ARHGAP32: variants seen among roughly 807,000 people sequenced by gnomAD.
ARHGAP32 encodes Rho GTPase activating protein 32.
A neutral mutation model predicts 186.5 loss-of-function variants in ARHGAP32; 51 were observed. That is an observed-to-expected ratio of 0.27 (90% CI 0.22 to 0.35). The LOEUF (loss-of-function observed/expected upper bound fraction) is 0.35, where lower values mean the gene tolerates loss of function less well. Among genes scored for constraint, ARHGAP32 ranks in the 10% least tolerant of loss-of-function variants. The pLI, the probability that ARHGAP32 is intolerant of heterozygous loss-of-function variation, is 1.00. For missense variants in ARHGAP32, 2,186 were observed against 2,623.5 expected, an observed-to-expected ratio of 0.83 and a Z score of 3.64; for synonymous variants, 950 against 964.3, an observed-to-expected ratio of 0.99 and a Z score of 0.27.
chr11:129,093,034 T>C (rs1941622816), intron 6 of ARHGAP32, among the ~76,000 whole-genome samples: 1 of 152,000 alleles, frequency 6.6e-6, no homozygotes, highest in Non-Finnish European at 1.5e-5. Context: ...GGTCATTACC[T>C]TCAAAACAGT....
At chr11:129,261,688 CTT>C (rs1181816751) in intron 1 of ARHGAP32, among the ~76,000 whole-genome samples, 3 of 152,144 alleles carry the variant, frequency 2.0e-5, no homozygotes, top group Non-Finnish European at 4.4e-5. Context: ...AGGAAATACT[CTT>C]AAGTAAATAA....
intron 6 of ARHGAP32, among the ~76,000 whole-genome samples, chr11:129,072,615 C>T (rs1940904955): frequency 1.3e-5 from 2 of 152,196 alleles, no homozygotes; most frequent in Non-Finnish European, 2.9e-5. Context: ...CAGAAATCCA[C>T]ACGCAGAAAC....
intron 22 of ARHGAP32, 196 bp downstream of exon 22, chr11:128,972,257 C>A: frequency 2.2e-6 from 1 of 459,682 alleles, no homozygotes. Context: ...CTAGGAGCTA[C>A]TCCTTTCCTG....
At chr11:129,105,601 C>T (rs1458979898) in intron 5 of ARHGAP32, among the ~76,000 whole-genome samples, 3 of 151,844 alleles carry the variant, frequency 2.0e-5, no homozygotes, top group Non-Finnish European at 4.4e-5. Flanking sequence ...TTCACTAAAA[C>T]AGTTTGGAAA....
chr11:129,033,841 T>G (rs1034945263), intron 11 of ARHGAP32, among the ~76,000 whole-genome samples: 3 of 152,204 alleles, frequency 2.0e-5, no homozygotes, highest in Admixed American at 6.5e-5. Flanking sequence ...ACTGTTCTTT[T>G]GAAACTGCCC....
intron 1 of ARHGAP32, among the ~76,000 whole-genome samples, chr11:129,183,307 T>C (rs1944093731): frequency 6.6e-6 from 1 of 152,134 alleles, no homozygotes; most frequent in African/African-American, 2.4e-5. Flanking sequence ...TTCTTTTTCC[T>C]ACAAAGTTTC....
chr11:129,085,280 C>T (rs947599860), intron 6 of ARHGAP32, among the ~76,000 whole-genome samples: 2 of 152,148 alleles, frequency 1.3e-5, no homozygotes, highest in South Asian at 2.1e-4. Flanking sequence ...TCCTACTAAT[C>T]CTTCCAAAGT....
rs141597477 is a variant in ARHGAP32, at chr11:129,206,859, C to G, written c.-4-42432G>C. Among the ~76,000 whole-genome samples, 38 of 151,990 alleles carry G rather than the reference C, an allele frequency of 2.5e-4. 1 individual carries two copies. In the East Asian group the frequency reaches 7.0e-3, roughly 28 times the overall value. The stretch of plus-strand genomic sequence containing the variant: ...CATGGTGGTTTGCTGCACCCACCAA[C>G]CCATCATCTACATTAGGTATATCTC... On this transcript the variant is annotated intron_variant, in intron 1 of 6. Transcript: ENST00000525234.
At chr11:128,983,199 C>G (rs1423920364) in intron 15 of ARHGAP32, among the ~76,000 whole-genome samples, 1 of 152,144 alleles carries the variant, frequency 6.6e-6, no homozygotes, top group Non-Finnish European at 1.5e-5. Context: ...CTAGCAGTGG[C>G]AGTGCTGCAT....
At chr11:128,987,024 G>C (rs1395985117) in intron 13 of ARHGAP32, among the ~76,000 whole-genome samples, 1 of 152,180 alleles carries the variant, frequency 6.6e-6, no homozygotes. Flanking sequence ...CCAGAGACTA[G>C]TGTTGAATGG....
chr11:129,269,224 T>C (rs1945444036), intron 1 of ARHGAP32, among the ~76,000 whole-genome samples: 1 of 152,100 alleles, frequency 6.6e-6, no homozygotes, highest in Non-Finnish European at 1.5e-5. Context: ...TGAGCTGAGA[T>C]CGCACCACTG....
intron 15 of ARHGAP32, among the ~76,000 whole-genome samples, chr11:128,982,305 C>T (rs906349396): frequency 6.6e-6 from 1 of 152,106 alleles, no homozygotes; most frequent in Non-Finnish European, 1.5e-5. Context: ...AAAGGATATG[C>T]TTTTGAAATA....
chr11:128,991,026 C>T (rs1279379618), intron 12 of ARHGAP32, among the ~76,000 whole-genome samples: 4 of 151,952 alleles, frequency 2.6e-5, no homozygotes, highest in South Asian at 2.1e-4. Context: ...TCAGGCTCTC[C>T]GAGCACACAT....
chr11:129,186,260 A>T (rs2135543876), intron 1 of ARHGAP32, among the ~76,000 whole-genome samples: 2 of 152,302 alleles, frequency 1.3e-5, no homozygotes, highest in East Asian at 3.9e-4. Context: ...CCTTTCTTGA[A>T]CATCAAAATA....
intron 2 of ARHGAP32, among the ~76,000 whole-genome samples, chr11:129,143,989 A>T (rs988726241): frequency 3.9e-5 from 6 of 152,340 alleles, no homozygotes; most frequent in Admixed American, 1.3e-4. Context: ...GAAGGAAACT[A>T]TTGTACCATC....
At chr11:129,276,883 G>A (rs946753131) in intron 1 of ARHGAP32, among the ~76,000 whole-genome samples, 12 of 152,198 alleles carry the variant, frequency 7.9e-5, no homozygotes, top group Non-Finnish European at 1.6e-4. Flanking sequence ...CTGTCACACA[G>A]CTACTATGGG....
At chr11:129,115,585 A>G (rs982081622) in intron 5 of ARHGAP32, among the ~76,000 whole-genome samples, 2 of 152,132 alleles carry the variant, frequency 1.3e-5, no homozygotes, top group Admixed American at 6.6e-5. Flanking sequence ...CGACAGCAGA[A>G]TCACAGCCCT....
intron 2 of ARHGAP32, among the ~76,000 whole-genome samples, chr11:129,145,082 C>T (rs1040091802): frequency 2.0e-5 from 3 of 152,042 alleles, no homozygotes; most frequent in Non-Finnish European, 4.4e-5. Context: ...ATTAAAGATA[C>T]TCCTAAATTC....
intron 1 of ARHGAP32, among the ~76,000 whole-genome samples, chr11:129,252,230 A>G (rs1945195707): frequency 6.6e-6 from 1 of 152,196 alleles, no homozygotes. Context: ...TCTCAACTGT[A>G]GTCGTGTCTA....
Sources: gnomAD v4.1 joint callset for allele counts (sites outside exome capture counted in the v4.1 genomes callset) on GRCh38, gnomAD v4.1.1 for gene constraint, MANE v1.5 for transcripts, NCBI Gene and HGNC (gene_info 2026-07-23, HGNC 2026-07-21) for gene names.